The following NRXN3 variants were observed in gnomAD, a reference collection of about 807,000 sequenced individuals.
NRXN3 encodes the protein neurexin III.
A neutral mutation model predicts 137.6 loss-of-function variants in NRXN3; 32 were observed. The observed-to-expected ratio is 0.23, with a 90% confidence interval of 0.18 to 0.31. The LOEUF (loss-of-function observed/expected upper bound fraction) is 0.31. Among genes scored for constraint, NRXN3 ranks in the 10% least tolerant of loss-of-function variants. NRXN3 has a pLI of 1.00. For synonymous variants in NRXN3, 798 were observed against 784.5 expected (o/e 1.02, Z -0.29); for missense variants, 1,574 against 2,062.5 (o/e 0.76, Z 4.59).
At chr14:79,196,582 C>A (rs568214662) in intron 15 of NRXN3, among the ~76,000 whole-genome samples, 94 of 152,222 alleles carry the variant, frequency 6.2e-4, no homozygotes, top group Admixed American at 2.4e-3. Context: ...GGGACACATT[C>A]GAACCATACC....
intron 8 of NRXN3, among the ~76,000 whole-genome samples, chr14:78,800,188 C>A (rs889657881): frequency 2.6e-5 from 4 of 152,178 alleles, no homozygotes; most frequent in Non-Finnish European, 5.9e-5. Flanking sequence ...AGCTCTATGA[C>A]AATTTGGCAG....
At chr14:78,922,172 T>G (rs1051087327) in intron 10 of NRXN3, among the ~76,000 whole-genome samples, 1 of 152,210 alleles carries the variant, frequency 6.6e-6, no homozygotes, top group African/African-American at 2.4e-5. Context: ...AAGAATATTT[T>G]ATCGTCCTAT....
intron 5 of NRXN3, among the ~76,000 whole-genome samples, chr14:78,646,459 A>G (rs1415672324): frequency 1.3e-5 from 2 of 152,228 alleles, no homozygotes; most frequent in South Asian, 2.1e-4. Flanking sequence ...CTTATCAAAA[A>G]GTGCTTACCA....
At chr14:78,443,882 A>T (rs2094334092) in intron 4 of NRXN3, among the ~76,000 whole-genome samples, 1 of 152,218 alleles carries the variant, frequency 6.6e-6, no homozygotes, top group Non-Finnish European at 1.5e-5. Context: ...CCACACTGTC[A>T]TCAGGGAACA....
intron 1 of NRXN3, among the ~76,000 whole-genome samples, chr14:78,217,253 T>C (rs1343090356): frequency 6.6e-6 from 1 of 152,192 alleles, no homozygotes; most frequent in African/African-American, 2.4e-5. Context: ...AATGAACAAT[T>C]GACATATATT....
intron 15 of NRXN3, among the ~76,000 whole-genome samples, chr14:79,085,530 T>C (rs2047932171): frequency 6.6e-6 from 1 of 152,172 alleles, no homozygotes; most frequent in East Asian, 1.9e-4. Context: ...AATGGGAAAA[T>C]GGTCTTCTTC....
At chr14:79,814,488 A>T (rs2099245649) in intron 20 of NRXN3, among the ~76,000 whole-genome samples, 1 of 152,234 alleles carries the variant, frequency 6.6e-6, no homozygotes, top group Non-Finnish European at 1.5e-5. Context: ...TGGAAGTCAT[A>T]AGTTGTACTT....
chr14:78,962,954 C>T (rs1035162947), intron 11 of NRXN3, among the ~76,000 whole-genome samples: 8 of 152,094 alleles, frequency 5.3e-5, no homozygotes, highest in Non-Finnish European at 8.8e-5. Flanking sequence ...CCTCGTGATC[C>T]ACCCACCTCG....
chr14:78,859,827 A>G (rs1454343616), intron 10 of NRXN3, among the ~76,000 whole-genome samples: 1 of 152,180 alleles, frequency 6.6e-6, no homozygotes, highest in African/African-American at 2.4e-5. Context: ...AACAGTGTGG[A>G]AGTAGTGAAG....
chr14:78,835,618 T>C (rs985338130), intron 10 of NRXN3, among the ~76,000 whole-genome samples: 1 of 152,178 alleles, frequency 6.6e-6, no homozygotes, highest in African/African-American at 2.4e-5. Context: ...GTCTATTTTG[T>C]TGCTATTGCT....
intron 8 of NRXN3, among the ~76,000 whole-genome samples, chr14:78,746,002 A>C (rs2098605497): frequency 6.6e-6 from 1 of 152,218 alleles, no homozygotes; most frequent in Admixed American, 6.5e-5. Flanking sequence ...CATTTATTTA[A>C]CATGCATAGT....
At chr14:79,113,764 T>C (rs2053933809) in intron 15 of NRXN3, among the ~76,000 whole-genome samples, 1 of 152,228 alleles carries the variant, frequency 6.6e-6, no homozygotes, top group Admixed American at 6.5e-5. Flanking sequence ...CAACTTTTGA[T>C]ACTCTTAATC....
intron 19 of NRXN3, among the ~76,000 whole-genome samples, chr14:79,780,126 C>T (rs534763170): frequency 2.0e-5 from 3 of 152,050 alleles, no homozygotes; most frequent in South Asian, 2.1e-4. Context: ...AAAAATATAT[C>T]CCTAAGGTTC....
At chr14:79,427,767 G>C (rs2095678079) in intron 15 of NRXN3, among the ~76,000 whole-genome samples, 1 of 151,734 alleles carries the variant, frequency 6.6e-6, no homozygotes, top group Non-Finnish European at 1.5e-5. Context: ...TGGAGTTGGA[G>C]GTTGAAGAGA....
chr14:78,315,233 T>G (rs1467821874), intron 4 of NRXN3, among the ~76,000 whole-genome samples: 1 of 151,968 alleles, frequency 6.6e-6, no homozygotes, highest in Non-Finnish European at 1.5e-5. Context: ...CCTAAGTTGA[T>G]CCGCCCACCT....
chr14:78,707,586 T>C (rs1044364517), intron 6 of NRXN3, among the ~76,000 whole-genome samples: 1 of 152,124 alleles, frequency 6.6e-6, no homozygotes, highest in Non-Finnish European at 1.5e-5. Flanking sequence ...GTTATTGGGG[T>C]TCAGGTGGTG....
chr14:79,511,395 G>GA (rs2096931207), intron 16 of NRXN3, among the ~76,000 whole-genome samples: 1 of 152,184 alleles, frequency 6.6e-6, no homozygotes, highest in South Asian at 2.1e-4. Context: ...AGACATGCTT[G>GA]AGTCTCTAAG....
chr14:79,504,639 T>TATATATATATATATATA (rs60009832), intron 16 of NRXN3, among the ~76,000 whole-genome samples: 1,595 of 92,722 alleles, frequency 0.017, 128 homozygotes, highest in Non-Finnish European at 0.023. Flanking sequence ...AAATGAAGTT[T>TATATATATATATATATA]TTTATATATA....
At chr14:78,968,395 A>C (rs2099428098) in intron 14 of NRXN3, 49 bp downstream of exon 14, 1 of 1,575,334 alleles carries the variant, frequency 6.3e-7, no homozygotes, top group Admixed American at 1.7e-5. Flanking sequence ...TGCAAGCACC[A>C]AGCCTCTTTG....
Sources: allele counts gnomAD v4.1 joint callset (sites outside exome capture counted in the v4.1 genomes callset), GRCh38; gene constraint gnomAD v4.1.1; transcripts MANE v1.5; gene names NCBI Gene and HGNC (gene_info 2026-07-23, HGNC 2026-07-21).